Variants in TNIP3 observed in about 807,000 individuals in gnomAD.
The protein encoded by TNIP3 is TNFAIP3-interacting protein 3.
Under a neutral mutation model 54.1 loss-of-function variants are expected in TNIP3, and 34 were observed. That is an observed-to-expected ratio of 0.63 (90% CI 0.48 to 0.84). The LOEUF is 0.84. TNIP3 is among the 40% of genes least tolerant of loss of function. TNIP3 has a pLI of 0.00. For missense variants in TNIP3, 366 were observed against 387.6 expected, an observed-to-expected ratio of 0.94 and a Z score of 0.47; for synonymous variants, 134 against 136.8, an observed-to-expected ratio of 0.98 and a Z score of 0.14.
At position 121,206,010 on chromosome 4, in the gene TNIP3, A is replaced by G. The variant is rs144275915; in HGVS notation, c.68+10405T>C. On this transcript the variant is annotated intron_variant, in intron 2 of 12. Coordinates refer to the TNIP3 transcript ENST00000507879. ...AAGGGGGAAGTCCCCTTGTAAAATC[A>G]TCAGATCTCTTGAGAACTCACTCAA... Among the ~76,000 whole-genome samples, 262 of 152,268 alleles carry G rather than the reference A, an allele frequency of 1.7e-3. 2 individuals carry two copies. The highest frequency in any genetic ancestry group is 6.0e-3 in the African/African-American group (251 of 41,554).
chr4:121,151,960 C>A (rs1729786945), intron 5 of TNIP3, among the ~76,000 whole-genome samples: 1 of 152,122 alleles, frequency 6.6e-6, no homozygotes, highest in South Asian at 2.1e-4. Context: ...AGCTGAGTAG[C>A]CTTAGGTAAT....
At chr4:121,176,057 A>C (rs1006514529) in intron 3 of TNIP3, among the ~76,000 whole-genome samples, 26 of 152,390 alleles carry the variant, frequency 1.7e-4, no homozygotes, top group African/African-American at 6.0e-4. Context: ...TAACCATGGG[A>C]TCAAATTAAC....
At chr4:121,169,471 TTC>T (rs1347390498) in intron 3 of TNIP3, among the ~76,000 whole-genome samples, 1 of 152,208 alleles carries the variant, frequency 6.6e-6, no homozygotes, top group Non-Finnish European at 1.5e-5. Flanking sequence ...AATTTTTTTC[TTC>T]TTTTTGTTGA....
chr4:121,153,881 C>T (rs757842278), intron 5 of TNIP3, among the ~76,000 whole-genome samples: 3 of 152,198 alleles, frequency 2.0e-5, no homozygotes, highest in East Asian at 1.9e-4. Flanking sequence ...CATGTGCTAG[C>T]GCATTCCTAT....
At chr4:121,181,976 A>G (rs913054423) in intron 3 of TNIP3, among the ~76,000 whole-genome samples, 7 of 152,242 alleles carry the variant, frequency 4.6e-5, no homozygotes, top group Non-Finnish European at 1.0e-4. Context: ...ATTTTTATAA[A>G]GAAGTATAAA....
upstream of TNIP3, among the ~76,000 whole-genome samples, chr4:121,164,634 G>T (rs1450505758): frequency 6.6e-6 from 1 of 152,110 alleles, no homozygotes; most frequent in East Asian, 1.9e-4. Flanking sequence ...AGATTTTCTG[G>T]CAATACCTTC....
chr4:121,216,247 T>G (rs1579508423), intron 2 of TNIP3, among the ~76,000 whole-genome samples: 2 of 152,214 alleles, frequency 1.3e-5, no homozygotes, highest in South Asian at 4.1e-4. Flanking sequence ...TATGTTCAGA[T>G]AGATAGGCCA....
intron 3 of TNIP3, among the ~76,000 whole-genome samples, chr4:121,173,137 T>G: frequency 6.6e-6 from 1 of 152,194 alleles, no homozygotes; most frequent in Middle Eastern, 3.2e-3. Flanking sequence ...CTTTTATCTG[T>G]GTGGGTAGAC....
intron 1 of TNIP3, among the ~76,000 whole-genome samples, chr4:121,224,527 G>GT (rs1215094052): frequency 1.3e-5 from 2 of 152,068 alleles, no homozygotes; most frequent in African/African-American, 4.8e-5. Flanking sequence ...TCATGGTTAT[G>GT]TTTTTTGATA....
chr4:121,179,850 A>T (rs1201262444), intron 3 of TNIP3, among the ~76,000 whole-genome samples: 1 of 152,098 alleles, frequency 6.6e-6, no homozygotes, highest in Non-Finnish European at 1.5e-5. Context: ...CAGATATAGC[A>T]GGAAATATAT....
chr4:121,227,173 T>C (rs1436474699), intron 1 of TNIP3, among the ~76,000 whole-genome samples: 2 of 152,220 alleles, frequency 1.3e-5, no homozygotes, highest in African/African-American at 4.8e-5. Flanking sequence ...GGAAACACCA[T>C]GCATTATTAC....
intron 9 of TNIP3, among the ~76,000 whole-genome samples, chr4:121,138,892 G>A (rs1455551289): frequency 6.6e-6 from 1 of 151,550 alleles, no homozygotes; most frequent in Non-Finnish European, 1.5e-5. Context: ...CTCTGTGTTT[G>A]GCCAGAATTT....
rs115577737 is a variant in TNIP3 at position 121,222,454 on chromosome 4, G to A, written c.3+4931C>T. Among the ~76,000 whole-genome samples the A allele has an allele frequency of 7.3e-3, 1,107 of 152,154 alleles. 12 individuals carry two copies. The highest frequency in any genetic ancestry group is 0.026 in the African/African-American group (1,074 of 41,510). ...CGTTTAACAGACTATATGTCTTTGGGCATATTATTTAAATACTCTGAGCCC... is the reference window on the plus strand; with the variant it reads ...CGTTTAACAGACTATATGTCTTTGGACATATTATTTAAATACTCTGAGCCC... On this transcript the variant is annotated intron_variant, in intron 1 of 12. Transcript: ENST00000509841.
At chr4:121,160,809 T>A (rs1730402139) in intron 2 of TNIP3, among the ~76,000 whole-genome samples, 1 of 152,150 alleles carries the variant, frequency 6.6e-6, no homozygotes, top group Non-Finnish European at 1.5e-5. Flanking sequence ...GTAAAGGTCA[T>A]AAGGCACAAA....
At chr4:121,216,539 T>C (rs1413232477) in intron 1 of TNIP3, 2 of 1,534,198 alleles carry the variant, frequency 1.3e-6, no homozygotes, top group Non-Finnish European at 1.7e-6. Context: ...GGCTCAGATG[T>C]ACGTCAAGGG....
rs1368418185 is a variant in TNIP3, at chr4:121,202,629, CAGAGT to C, written c.68+13781_68+13785del. On this transcript the variant is annotated intron_variant, in intron 2 of 12. Transcript: ENST00000507879. Reference sequence around the variant, plus strand: ...TCTGCACAGCAAAAGAAATAATCAGCAGAGTAAACAGACAACCCAGAGTGGGAGAA... The same window carrying C: ...TCTGCACAGCAAAAGAAATAATCAGCAAACAGACAACCCAGAGTGGGAGAA... Among the ~76,000 whole-genome samples the C allele has an allele frequency of 3.9e-5, 6 of 152,192 alleles. No individual in the cohort carries two copies. The East Asian group carries it at 1.2e-3, about 29-fold the overall frequency.
Position 121,147,114 on chromosome 4 carries a change from C to T in TNIP3, c.670G>A (p.Glu224Lys), listed in dbSNP as rs34166132. The T allele has an allele frequency of 5.3e-4, 857 of 1,613,428 alleles. 5 individuals are homozygous for T. The African/African-American group carries it at 9.9e-3, about 19-fold the overall frequency. ...ERSDRERLNQ[E>K]KEELQQINET... Reference sequence around the variant, plus strand: ...TTAATTTGCTGTAGCTCCTCTTTCTCTTGATTAAGTCTCTCTCGATCCGAT... The same window carrying T: ...TTAATTTGCTGTAGCTCCTCTTTCTTTTGATTAAGTCTCTCTCGATCCGAT... The change falls in exon 7 of 11, where the codon GAG becomes AAG. Residue 224 changes from glutamate to lysine, a missense_variant. Coordinates refer to ENST00000057513, the MANE Select transcript of TNIP3 (RefSeq NM_024873.6).
chr4:121,201,450 A>C (rs986992428), intron 2 of TNIP3, among the ~76,000 whole-genome samples: 4 of 152,224 alleles, frequency 2.6e-5, no homozygotes, highest in Non-Finnish European at 5.9e-5. Context: ...CAAAACTCCC[A>C]AAATAAAAGA....
intron 2 of TNIP3, among the ~76,000 whole-genome samples, chr4:121,206,011 T>C (rs1393548622): frequency 6.6e-6 from 1 of 152,104 alleles, no homozygotes; most frequent in Non-Finnish European, 1.5e-5. Context: ...TGTAAAATCA[T>C]CAGATCTCTT....
Sources: gnomAD v4.1 joint callset for allele counts (sites outside exome capture counted in the v4.1 genomes callset) on GRCh38, gnomAD v4.1.1 for gene constraint, MANE v1.5 for transcripts, NCBI Gene and HGNC (gene_info 2026-07-23, HGNC 2026-07-21) for gene names.